The following AOAH variants were observed in gnomAD, a reference collection of about 807,000 sequenced individuals.
AOAH encodes acyloxyacyl hydrolase.
Under a neutral mutation model 92.2 loss-of-function variants are expected in AOAH, and 64 were observed. That is an observed-to-expected ratio of 0.69 (90% CI 0.57 to 0.86). AOAH has a LOEUF of 0.86. Ranked by LOEUF, AOAH falls within the 40% of genes least tolerant of loss-of-function variation. The probability of loss-of-function intolerance (pLI) is 0.00; values close to 1 mark genes in which losing one functional copy is unlikely to be tolerated. For missense variants in AOAH, 656 were observed against 694.6 expected (o/e 0.94, Z 0.62); for synonymous variants, 263 against 254.5 (o/e 1.03, Z -0.32).
intron 1 of AOAH, among the ~76,000 whole-genome samples, chr7:36,711,602 A>C (rs1798772353): frequency 6.6e-6 from 1 of 152,204 alleles, no homozygotes; most frequent in Non-Finnish European, 1.5e-5. Context: ...GGTTAAATGC[A>C]ATGATAATTT....
chr7:36,632,926 A>G (rs1793235454), intron 5 of AOAH, among the ~76,000 whole-genome samples: 1 of 152,206 alleles, frequency 6.6e-6, no homozygotes, highest in South Asian at 2.1e-4. Flanking sequence ...GCTTTCTAGG[A>G]GGAGAAATAA....
intron 1 of AOAH, among the ~76,000 whole-genome samples, chr7:36,695,948 A>C (rs1013295410): frequency 6.6e-6 from 1 of 152,160 alleles, no homozygotes; most frequent in Non-Finnish European, 1.5e-5. Context: ...TGAGTTCACA[A>C]TTGTGTGAGG....
At chr7:36,717,858 C>T (rs4723563) in intron 1 of AOAH, among the ~76,000 whole-genome samples, 115,640 of 151,310 alleles carry the variant, frequency 0.76, 44,275 homozygotes, top group South Asian at 0.88. Context: ...GGAACAGGCA[C>T]ATGACAAAAG....
chr7:36,557,985 C>G (rs1317852810), intron 13 of AOAH, among the ~76,000 whole-genome samples: 1 of 152,212 alleles, frequency 6.6e-6, no homozygotes, highest in Non-Finnish European at 1.5e-5. Flanking sequence ...TCTCTCAACT[C>G]GTCAAAGTCA....
intron 1 of AOAH, among the ~76,000 whole-genome samples, chr7:36,698,065 A>G (rs1004993826): frequency 1.3e-5 from 2 of 152,168 alleles, no homozygotes; most frequent in South Asian, 2.1e-4. Context: ...TAATGTTTTT[A>G]TAGCATCCCT....
intron 1 of AOAH, among the ~76,000 whole-genome samples, chr7:36,698,631 C>T (rs1797855279): frequency 6.6e-6 from 1 of 152,034 alleles, no homozygotes; most frequent in Non-Finnish European, 1.5e-5. Flanking sequence ...TTCATTTTCA[C>T]TTAGACCAAA....
At chr7:36,590,660 A>G (rs4640959) in intron 12 of AOAH, among the ~76,000 whole-genome samples, 36,339 of 152,178 alleles carry the variant, frequency 0.24, 5,337 homozygotes, top group African/African-American at 0.41. Flanking sequence ...CCCATAGCAG[A>G]AGGCTGATCA....
chr7:36,656,658 G>A (rs1327065606), intron 4 of AOAH, among the ~76,000 whole-genome samples: 3 of 151,914 alleles, frequency 2.0e-5, no homozygotes, highest in East Asian at 1.9e-4. Context: ...ACCTTGTGAC[G>A]TTTATGTACC....
chr7:36,584,720 T>C (rs1024836654), intron 12 of AOAH, among the ~76,000 whole-genome samples: 1 of 152,214 alleles, frequency 6.6e-6, no homozygotes, highest in Admixed American at 6.5e-5. Context: ...TTTTTACATA[T>C]TTTTACATAT....
chr7:36,578,230 C>T (rs985366248), intron 12 of AOAH, among the ~76,000 whole-genome samples: 3 of 150,996 alleles, frequency 2.0e-5, no homozygotes, highest in Non-Finnish European at 4.4e-5. Context: ...AAGTATTATT[C>T]TAGGCACTGA....
chr7:36,717,136 T>C (rs564735047), intron 1 of AOAH, among the ~76,000 whole-genome samples: 1 of 152,270 alleles, frequency 6.6e-6, no homozygotes, highest in African/African-American at 2.4e-5. Context: ...TTCAATCTGC[T>C]TTGGGAATAC....
intron 9 of AOAH, 111 bp from the exon 10 acceptor site, chr7:36,618,456 AC>A (rs1792049087): frequency 3.2e-6 from 3 of 952,080 alleles, no homozygotes; most frequent in Non-Finnish European, 5.0e-6. Flanking sequence ...AGTAGATAAA[AC>A]CCTTTAAAGT....
intron 1 of AOAH, among the ~76,000 whole-genome samples, chr7:36,698,820 CATT>C (rs1797868554): frequency 6.6e-6 from 1 of 151,732 alleles, no homozygotes; most frequent in Admixed American, 6.6e-5. Context: ...ACATTTGAAT[CATT>C]CTCTTCTAAC....
chr7:36,616,474 C>G lies in AOAH; in HGVS notation c.752G>C (p.Gly251Ala). ...CAAAATGATTCCCCTGGGCTGTGAA[C>G]CTAGGCAGCACAATTTATTCACATT... ...GVPYEKKFCE[G>A]SQPRGIILLG... The change falls in exon 11 of 21, where the codon GGT becomes GCT. Residue 251 changes from glycine to alanine, a missense_variant and splice_region_variant. Physicochemically the swap from Gly to Ala is moderately conservative, Grantham distance 60. Transcript: ENST00000617537. 1 of 1,613,490 alleles carries G rather than the reference C, an allele frequency of 6.2e-7. No individual in the cohort carries two copies. Among genetic ancestry groups the G allele is most frequent in the South Asian group, 1.1e-5 (1 of 91,038 alleles).
chr7:36,615,637 C>A (rs77427793), intron 11 of AOAH, among the ~76,000 whole-genome samples: 2,970 of 152,286 alleles, frequency 0.02, 91 homozygotes, highest in African/African-American at 0.068. Context: ...GGTGTTTGCA[C>A]AATTTGAGAG....
chr7:36,713,564 C>T (rs1221039569), intron 1 of AOAH, among the ~76,000 whole-genome samples: 4 of 152,160 alleles, frequency 2.6e-5, no homozygotes, highest in African/African-American at 7.2e-5. Context: ...CCAAAATTGA[C>T]CACATAGTTG....
In AOAH at chr7:36,669,145, C is replaced by T. The variant is rs555566998; in HGVS notation, c.290+4798G>A. On this transcript the variant is annotated intron_variant, in intron 3 of 20. Transcript: ENST00000617537. Reference sequence around the variant, plus strand: ...TGTGGCAGGGTTAGGGGAATAGAGCCTTTTTCACTTGAAAGTGCTCATATT... The same window carrying T: ...TGTGGCAGGGTTAGGGGAATAGAGCTTTTTTCACTTGAAAGTGCTCATATT... Among the ~76,000 whole-genome samples, 25 of 152,186 alleles carry T rather than the reference C, an allele frequency of 1.6e-4. No homozygotes were observed. The South Asian group carries it at 5.2e-3, about 32-fold the overall frequency.
At chr7:36,720,338 ATT>A (rs201307393) in intron 1 of AOAH, among the ~76,000 whole-genome samples, 49,172 of 145,566 alleles carry the variant, frequency 0.34, 9,142 homozygotes, top group East Asian at 0.52. Context: ...CTATATTTAC[ATT>A]TTTTTTTTTT....
intron 3 of AOAH, among the ~76,000 whole-genome samples, chr7:36,664,090 T>G (rs183931538): frequency 5.9e-5 from 9 of 152,094 alleles, no homozygotes; most frequent in Admixed American, 5.9e-4. Flanking sequence ...GTTTTAAGAG[T>G]TTTTTTATGT....
Sources: allele counts gnomAD v4.1 joint callset (sites outside exome capture counted in the v4.1 genomes callset), GRCh38; gene constraint gnomAD v4.1.1; transcripts MANE v1.5; gene names NCBI Gene and HGNC (gene_info 2026-07-23, HGNC 2026-07-21).